The following KIF1B variants were observed in gnomAD, a reference collection of about 807,000 sequenced individuals.
The protein encoded by KIF1B is kinesin family member 1B.
In KIF1B, 76 loss-of-function variants were observed where a neutral mutation model predicts 241.9. The ratio of observed to expected loss-of-function variants is 0.31; its 90% confidence interval spans 0.26 to 0.38. The LOEUF (loss-of-function observed/expected upper bound fraction) is 0.38, where lower values mean the gene tolerates loss of function less well. Among genes scored for constraint, KIF1B ranks in the 10% least tolerant of loss-of-function variants. The pLI is 1.00. For missense variants in KIF1B, 1,622 were observed against 2,271.4 expected (o/e 0.71, Z 5.81); for synonymous variants, 750 against 796.7 (o/e 0.94, Z 0.99).
At chr1:10,308,729 T>A (rs1170450870) in intron 22 of KIF1B, 1 of 696,246 alleles carries the variant, frequency 1.4e-6, no homozygotes, top group African/African-American at 1.9e-5. Flanking sequence ...TTTTGATATT[T>A]CTATGTGAAC....
intron 12 of KIF1B, 32 bp from the exon 13 acceptor site, chr1:10,277,954 A>T: frequency 1.2e-6 from 2 of 1,603,196 alleles, no homozygotes; most frequent in Non-Finnish European, 8.5e-7. Context: ...CATATGAGAA[A>T]TGACAAGAAC....
chr1:10,261,069 T>C (rs1039291248), intron 4 of KIF1B, among the ~76,000 whole-genome samples: 60 of 131,342 alleles, frequency 4.6e-4, no homozygotes, highest in Middle Eastern at 5.6e-3. Flanking sequence ...TGGGTTCAAT[T>C]AATTCTTGTG....
At chr1:10,243,679 A>G (rs187918090) in intron 2 of KIF1B, among the ~76,000 whole-genome samples, 5 of 152,358 alleles carry the variant, frequency 3.3e-5, no homozygotes, top group Admixed American at 3.3e-4. Flanking sequence ...CAGAACCCTT[A>G]CTATTGGAGA....
rs766409583 is a variant in KIF1B at position 10,320,152 on chromosome 1, C to T, written c.2209+16C>T. On this transcript the variant is annotated intron_variant, in intron 23 of 48. Coordinates refer to ENST00000676179, the MANE Select transcript of KIF1B (RefSeq NM_001365951.3). ...GAGGAAGAAGGTGAAATCTAGAGAC[C>T]GAAAGTTTCCTGTGTATATCTTTTT... The T allele has an allele frequency of 1.2e-5, 18 of 1,537,222 alleles. No individual in the cohort carries two copies. Among genetic ancestry groups the T allele is most frequent in the African/African-American group, 1.1e-4 (8 of 73,398 alleles).
chr1:10,272,957 C>G, intron 9 of KIF1B, 57 bp from the exon 10 acceptor site: 1 of 1,412,054 alleles, frequency 7.1e-7, no homozygotes, highest in Non-Finnish European at 9.7e-7. Flanking sequence ...ATCTAATTTT[C>G]TACTTGGAGG....
intron 1 of KIF1B, among the ~76,000 whole-genome samples, chr1:10,213,124 T>C (rs117875089): frequency 6.6e-6 from 1 of 151,836 alleles, no homozygotes; most frequent in African/African-American, 2.4e-5. Context: ...TTCCATGCCC[T>C]AAGTTAGAAG....
intron 22 of KIF1B, chr1:10,307,635 C>G: frequency 9.9e-7 from 1 of 1,014,608 alleles, no homozygotes; most frequent in Non-Finnish European, 1.2e-6. Flanking sequence ...CATGATTTTT[C>G]TCTAAGCTTA....
chr1:10,305,827 G>A (rs958609597), intron 22 of KIF1B: 42 of 1,052,088 alleles, frequency 4.0e-5, no homozygotes, highest in South Asian at 9.2e-5. Context: ...TTTCTACATC[G>A]TTCCTCATCT....
intron 4 of KIF1B, among the ~76,000 whole-genome samples, chr1:10,260,347 C>G (rs1648060059): frequency 6.6e-6 from 1 of 152,166 alleles, no homozygotes; most frequent in South Asian, 2.1e-4. Context: ...GGAAGTTGCT[C>G]TGGGTGAGTC....
intron 5 of KIF1B, among the ~76,000 whole-genome samples, chr1:10,263,037 C>T (rs1648234503): frequency 6.6e-6 from 1 of 151,980 alleles, no homozygotes; most frequent in Non-Finnish European, 1.5e-5. Flanking sequence ...ACCTGTAATC[C>T]CAGCACTTCG....
At chr1:10,333,523 C>G (rs2102310944) in intron 27 of KIF1B, among the ~76,000 whole-genome samples, 1 of 151,954 alleles carries the variant, frequency 6.6e-6, no homozygotes, top group East Asian at 2.0e-4. Context: ...AACCCTGTCT[C>G]TAGTAAAAAT....
At chr1:10,353,176 A>G (rs1288898136) in intron 38 of KIF1B, among the ~76,000 whole-genome samples, 2 of 152,180 alleles carry the variant, frequency 1.3e-5, no homozygotes, top group African/African-American at 4.8e-5. Context: ...GATAAAATGA[A>G]GCCTCTTGTG....
intron 22 of KIF1B, chr1:10,308,364 A>G: frequency 9.5e-7 from 1 of 1,051,802 alleles, no homozygotes; most frequent in Non-Finnish European, 1.1e-6. Flanking sequence ...CTTAGCTTGA[A>G]CCACTTTTGA....
At chr1:10,282,288 A>G (rs1207364885) in intron 14 of KIF1B, 34 bp from the exon 15 acceptor site, 3 of 1,543,582 alleles carry the variant, frequency 1.9e-6, no homozygotes, top group African/African-American at 1.4e-5. Flanking sequence ...CCTTTTCCCT[A>G]CTTTTCCTGC....
intron 45 of KIF1B, among the ~76,000 whole-genome samples, chr1:10,373,026 A>C (rs1638789434): frequency 6.6e-6 from 1 of 151,096 alleles, no homozygotes; most frequent in Non-Finnish European, 1.5e-5. Flanking sequence ...CATTTTGGTC[A>C]GGCTAGTCTC....
chr1:10,290,181 G>A (rs1234807454), intron 15 of KIF1B, among the ~76,000 whole-genome samples: 1 of 151,094 alleles, frequency 6.6e-6, no homozygotes, highest in Non-Finnish European at 1.5e-5. Flanking sequence ...TTTACTTTAC[G>A]TTCCAGGATG....
Position 10,256,836 on chromosome 1 carries a change from C to T in KIF1B, c.183+513C>T, listed in dbSNP as rs187515562. Among the ~76,000 whole-genome samples, 58 of 152,048 alleles carry T rather than the reference C, an allele frequency of 3.8e-4. 1 individual carries two copies. The East Asian group carries it at 0.011, about 28-fold the overall frequency. ...AAGCGATTCTCCCGCCTCAGCCTCC[C>T]GAGTAGCTGGGATTACAGGCGCGTG... On this transcript the variant is annotated intron_variant, in intron 3 of 48. Transcript: ENST00000676179.
At chr1:10,307,135 T>A in intron 22 of KIF1B, 1 of 1,029,866 alleles carries the variant, frequency 9.7e-7, no homozygotes, top group Non-Finnish European at 1.2e-6. Flanking sequence ...CAGGAAGAAA[T>A]TAACCAAGGT....
chr1:10,323,640 A>G (rs895823645), intron 24 of KIF1B, among the ~76,000 whole-genome samples: 8 of 152,152 alleles, frequency 5.3e-5, no homozygotes, highest in African/African-American at 1.9e-4. Context: ...TCCCCTCAAG[A>G]AGATTTTCGT....
Sources: allele counts gnomAD v4.1 joint callset (sites outside exome capture counted in the v4.1 genomes callset), GRCh38; gene constraint gnomAD v4.1.1; transcripts MANE v1.5; gene names NCBI Gene and HGNC (gene_info 2026-07-23, HGNC 2026-07-21).